SASH1: variants seen among roughly 807,000 people sequenced by gnomAD.
The protein encoded by SASH1 is SAM and SH3 domain containing 1.
Under a neutral mutation model 125.2 loss-of-function variants are expected in SASH1, and 44 were observed. The observed-to-expected ratio is 0.35, with a 90% CI of 0.28 to 0.45. SASH1 has a LOEUF of 0.45. Among genes scored for constraint, SASH1 ranks in the 20% least tolerant of loss-of-function variants. The pLI is 1.00. For missense variants in SASH1, 1,426 were observed against 1,614.5 expected (o/e 0.88, Z 2.00); for synonymous variants, 639 against 649.1 (o/e 0.98, Z 0.24).
chr6:148,269,562 G>T (rs1046119858), upstream of SASH1, among the ~76,000 whole-genome samples: 4 of 152,102 alleles, frequency 2.6e-5, no homozygotes, highest in Non-Finnish European at 4.4e-5. Context: ...AGTTTGTTTA[G>T]GGTTGTAATT....
chr6:148,503,285 C>T (rs981412863), intron 8 of SASH1, among the ~76,000 whole-genome samples: 14 of 151,426 alleles, frequency 9.2e-5, no homozygotes, highest in African/African-American at 3.2e-4. Context: ...CCCTTTTACC[C>T]GTCAATTCTA....
chr6:148,222,614 A>G, the SASH1 span, among the ~76,000 whole-genome samples: 1 of 152,244 alleles, frequency 6.6e-6, no homozygotes, highest in Admixed American at 6.5e-5. Context: ...GGTTATGACT[A>G]CATACATAAT....
intron 1 of SASH1, among the ~76,000 whole-genome samples, chr6:148,366,424 CAG>C (rs1782460969): frequency 6.6e-6 from 1 of 152,148 alleles, no homozygotes; most frequent in East Asian, 1.9e-4. Flanking sequence ...GAGCAGACAA[CAG>C]AACAAGAAGA....
At chr6:148,454,760 G>A (rs1777259481) in intron 4 of SASH1, among the ~76,000 whole-genome samples, 2 of 152,146 alleles carry the variant, frequency 1.3e-5, no homozygotes, top group Non-Finnish European at 2.9e-5. Context: ...GAGAGGGAGA[G>A]ATCTGGAAGG....
intron 1 of SASH1, among the ~76,000 whole-genome samples, chr6:148,291,770 C>G (rs1189367027): frequency 6.6e-6 from 1 of 151,440 alleles, no homozygotes; most frequent in Non-Finnish European, 1.5e-5. Flanking sequence ...CAAATGAAAA[C>G]CAAAAATAAA....
the SASH1 span, among the ~76,000 whole-genome samples, chr6:148,260,350 G>A: frequency 6.6e-6 from 1 of 152,060 alleles, no homozygotes; most frequent in Non-Finnish European, 1.5e-5. Flanking sequence ...ACTCATGCCT[G>A]TAATCTCAGT....
At chr6:148,340,175 G>C (rs546169830), upstream of SASH1, among the ~76,000 whole-genome samples, 4 of 152,082 alleles carry the variant, frequency 2.6e-5, no homozygotes, top group Admixed American at 1.3e-4. Context: ...ACAGTCCTCT[G>C]CATCTTCTTA....
chr6:148,456,055 C>T (rs540066541), intron 4 of SASH1, among the ~76,000 whole-genome samples: 1 of 152,162 alleles, frequency 6.6e-6, no homozygotes, highest in African/African-American at 2.4e-5. Context: ...CAGCAGGCCT[C>T]GGGGATGGTG....
At chr6:148,219,349 T>C in the SASH1 span, among the ~76,000 whole-genome samples, 1 of 152,166 alleles carries the variant, frequency 6.6e-6, no homozygotes, top group East Asian at 1.9e-4. Flanking sequence ...TCATCCACCC[T>C]GCACAGAAAT....
chr6:148,273,957 C>A (rs1362140291), intron 1 of SASH1, among the ~76,000 whole-genome samples: 1 of 152,224 alleles, frequency 6.6e-6, no homozygotes. Context: ...TCAGTTTGGG[C>A]ATTTAACCTA....
At chr6:148,290,742 CG>C (rs1264947352) in intron 1 of SASH1, among the ~76,000 whole-genome samples, 1 of 129,474 alleles carries the variant, frequency 7.7e-6, no homozygotes, top group Non-Finnish European at 1.7e-5. Context: ...AGGCGGAAGG[CG>C]GCAGGGCCCT....
At chr6:148,290,055 A>G (rs1476818175) in intron 1 of SASH1, among the ~76,000 whole-genome samples, 1 of 150,950 alleles carries the variant, frequency 6.6e-6, no homozygotes, top group Non-Finnish European at 1.5e-5. Flanking sequence ...TCTAGTAGAG[A>G]AGGGGTTTCA....
the SASH1 span, among the ~76,000 whole-genome samples, chr6:148,221,264 TA>T: frequency 6.6e-6 from 1 of 152,120 alleles, no homozygotes; most frequent in Non-Finnish European, 1.5e-5. Context: ...CAGCTGGAAA[TA>T]AAAAATTGCT....
rs1330756267 is a variant in SASH1 at position 148,533,033 on chromosome 6, C to CTCCTCACTGTTG, written c.1734+68_1734+79dup. The CTCCTCACTGTTG allele has an allele frequency of 4.6e-6, 7 of 1,536,066 alleles. No individual in the cohort carries two copies. The highest frequency in any genetic ancestry group is 5.4e-6 in the Non-Finnish European group (6 of 1,114,340). On this transcript the variant is annotated intron_variant, in intron 14 of 19. Transcript: ENST00000367467. This position sits in a 1 kb window ranked among gnomAD's most constrained non-coding sequence, Gnocchi z 6.2. ...CCATTTCTCTAGGAGGCTTTCTTTC[C>CTCCTCACTGTTG]TCCTCACTGTTGAATGCTGGGCTAC...
intron 4 of SASH1, among the ~76,000 whole-genome samples, chr6:148,459,812 A>G (rs541916667): frequency 1.2e-4 from 19 of 152,342 alleles, no homozygotes; most frequent in African/African-American, 3.1e-4. Flanking sequence ...TAAAAATTCT[A>G]TGTGATCGGT....
intron 1 of SASH1, chr6:148,272,496 T>C: frequency 2.6e-6 from 1 of 378,412 alleles, no homozygotes; most frequent in Non-Finnish European, 5.9e-6. Context: ...TGTCAGTATC[T>C]AGGGATTTTC....
At position 148,512,004 on chromosome 6, in the gene SASH1, CATTTATTT is replaced by C. The variant is rs79447361; in HGVS notation, c.730-2299_730-2292del. Among the ~76,000 whole-genome samples the C allele has an allele frequency of 5.4e-5, 7 of 129,100 alleles. No homozygotes were observed. The South Asian group carries it at 1.3e-3, about 24-fold the overall frequency. The allele number at this position is 129,100 out of a possible 152,430, so 84.7% of individuals were successfully genotyped here. A position where few individuals can be genotyped will look rare whatever the true frequency, so the allele number is the denominator to read the frequency against. Reference sequence around the variant, plus strand: ...CTATTTCATTTTCATTTGATTTCAACATTTATTTATTTATTTATTTATTTATTTTTTTG... The same window carrying C: ...CTATTTCATTTTCATTTGATTTCAACATTTATTTATTTATTTATTTTTTTG... On this transcript the variant is annotated intron_variant, in intron 8 of 19. Coordinates refer to ENST00000367467, the MANE Select transcript of SASH1 (RefSeq NM_015278.5).
intron 2 of SASH1, among the ~76,000 whole-genome samples, chr6:148,427,867 T>A (rs1775894091): frequency 6.6e-6 from 1 of 152,232 alleles, no homozygotes; most frequent in African/African-American, 2.4e-5. Flanking sequence ...CCCCTTGGTA[T>A]GCTCCTCCGC....
At chr6:148,510,335 T>C (rs1780043304) in intron 8 of SASH1, among the ~76,000 whole-genome samples, 1 of 152,178 alleles carries the variant, frequency 6.6e-6, no homozygotes, top group Admixed American at 6.5e-5. Flanking sequence ...GGTTTTCTGG[T>C]GAGGAGCTGT....
Sources: gnomAD v4.1 joint callset for allele counts (sites outside exome capture counted in the v4.1 genomes callset) on GRCh38, gnomAD v4.1.1 for gene constraint, Gnocchi (gnomAD v3.1) non-coding constraint, MANE v1.5 for transcripts, NCBI Gene and HGNC (gene_info 2026-07-23, HGNC 2026-07-21) for gene names.